DIP2C: variants seen among roughly 807,000 people sequenced by gnomAD.
The protein encoded by DIP2C is DIP2 acetate--CoA ligase C (putative).
DIP2C carries 33 observed loss-of-function variants against 192.4 expected under a neutral mutation model. The ratio of observed to expected loss-of-function variants is 0.17; its 90% confidence interval spans 0.13 to 0.23. The LOEUF (loss-of-function observed/expected upper bound fraction) is 0.23, where lower values mean the gene tolerates loss of function less well. Ranked by LOEUF, DIP2C falls within the 10% of genes least tolerant of loss-of-function variation. DIP2C has a pLI of 1.00. For synonymous variants in DIP2C, 979 were observed against 864.1 expected (o/e 1.13, Z -2.33); for missense variants, 1,537 against 2,110.1 (o/e 0.73, Z 5.32).
At chr10:568,245 C>A (rs1349492426) in intron 1 of DIP2C, among the ~76,000 whole-genome samples, 1 of 152,184 alleles carries the variant, frequency 6.6e-6, no homozygotes, top group Non-Finnish European at 1.5e-5. Flanking sequence ...CATCAATCCC[C>A]GTGCAGGGAG....
chr10:547,528 C>T (rs996615682), intron 1 of DIP2C, among the ~76,000 whole-genome samples: 1 of 152,188 alleles, frequency 6.6e-6, no homozygotes, highest in African/African-American at 2.4e-5. Flanking sequence ...GTGAGGTACC[C>T]AGCAGGGTTC....
At chr10:495,507 T>C (rs145040108) in intron 1 of DIP2C, among the ~76,000 whole-genome samples, 4 of 151,922 alleles carry the variant, frequency 2.6e-5, no homozygotes, top group African/African-American at 9.7e-5. Context: ...CTAAAAACTA[T>C]AGGTTTTGAA....
At chr10:604,554 T>C (rs1457732909) in intron 1 of DIP2C, among the ~76,000 whole-genome samples, 1 of 152,268 alleles carries the variant, frequency 6.6e-6, no homozygotes, top group Non-Finnish European at 1.5e-5. Flanking sequence ...AGCGCAAGCG[T>C]GCGGACACGC....
At position 356,407 on chromosome 10, in the gene DIP2C, G is replaced by C; in HGVS notation, c.2985+19C>G. 5 of 1,609,674 alleles carry C rather than the reference G, an allele frequency of 3.1e-6. No individual in the cohort carries two copies. Among genetic ancestry groups the C allele is most frequent in the Non-Finnish European group, 4.2e-6 (5 of 1,179,942 alleles). On this transcript the variant is annotated intron_variant, in intron 24 of 36. Coordinates refer to ENST00000280886, the MANE Select transcript of DIP2C (RefSeq NM_014974.3). ...CCCCTTGAGGCCAGTAGCCAGGGAA[G>C]GCCAGCTCCGCGCCTCACCCGACAG...
chr10:332,582 C>T (rs1048686623), intron 29 of DIP2C, among the ~76,000 whole-genome samples: 1 of 152,156 alleles, frequency 6.6e-6, no homozygotes, highest in African/African-American at 2.4e-5. Context: ...ACAAGACAAA[C>T]CTACTTAAGA....
chr10:411,762 G>A (rs183645043), intron 8 of DIP2C, among the ~76,000 whole-genome samples: 75 of 152,162 alleles, frequency 4.9e-4, no homozygotes, highest in Non-Finnish European at 9.1e-4. Context: ...ATTCTCATTC[G>A]ACGAGCTTGT....
chr10:478,457 C>G (rs1462133295), intron 2 of DIP2C, among the ~76,000 whole-genome samples: 1 of 149,988 alleles, frequency 6.7e-6, no homozygotes, highest in African/African-American at 2.5e-5. Context: ...TTTTCTCACT[C>G]ATCTCATGTC....
intron 24 of DIP2C, among the ~76,000 whole-genome samples, chr10:351,117 G>A (rs1372935462): frequency 1.3e-5 from 2 of 152,188 alleles, no homozygotes; most frequent in Admixed American, 6.5e-5. Flanking sequence ...GCGATTCAGA[G>A]TGAAGGCGCA....
At chr10:292,999 A>C (rs1050343579) in intron 32 of DIP2C, among the ~76,000 whole-genome samples, 10 of 152,218 alleles carry the variant, frequency 6.6e-5, no homozygotes, top group African/African-American at 2.4e-4. Flanking sequence ...AACAAATAGC[A>C]TTCTCTACCC....
intron 1 of DIP2C, among the ~76,000 whole-genome samples, chr10:549,003 C>T (rs918176526): frequency 6.7e-6 from 1 of 149,710 alleles, no homozygotes; most frequent in South Asian, 2.1e-4. Context: ...TAGTCCAATC[C>T]CCCACCCTAA....
At chr10:561,634 A>C (rs1033713746) in intron 1 of DIP2C, among the ~76,000 whole-genome samples, 7 of 152,108 alleles carry the variant, frequency 4.6e-5, no homozygotes, top group Non-Finnish European at 1.0e-4. Context: ...CTTTCCCGCC[A>C]GTCACAGCTT....
At chr10:592,212 C>T (rs920767687) in intron 1 of DIP2C, among the ~76,000 whole-genome samples, 1 of 152,278 alleles carries the variant, frequency 6.6e-6, no homozygotes, top group East Asian at 1.9e-4. Flanking sequence ...AGGACCCATT[C>T]AGATGACTTC....
intron 23 of DIP2C, among the ~76,000 whole-genome samples, chr10:356,767 G>T (rs1286285971): frequency 2.0e-5 from 3 of 152,350 alleles, no homozygotes; most frequent in Non-Finnish European, 4.4e-5. Flanking sequence ...ACAAAGCAAA[G>T]GGCTGGTGCT....
Position 285,769 on chromosome 10 carries a change from G to C in DIP2C, c.4119+504C>G, listed in dbSNP as rs539820012. On this transcript the variant is annotated intron_variant, in intron 34 of 36. Coordinates refer to ENST00000280886, the MANE Select transcript of DIP2C (RefSeq NM_014974.3). The stretch of plus-strand genomic sequence containing the variant: ...GGGGCACAGTGGCAGGGAGTTAAGA[G>C]CCAGCCAGGGCGGGCTCATTCTGAA... Among the ~76,000 whole-genome samples the C allele has an allele frequency of 1.2e-4, 18 of 152,368 alleles. No homozygotes were observed. The East Asian group carries it at 2.5e-3, about 21-fold the overall frequency.
intron 1 of DIP2C, among the ~76,000 whole-genome samples, chr10:568,765 CAAAAAAAAAAAAAAAAAAAAAA>C (rs1206501677): frequency 5.3e-5 from 2 of 37,884 alleles, no homozygotes; most frequent in Admixed American, 8.6e-4. Context: ...AACTCCGTCT[CAAAAAAAAAAAAAAAAAAAAAA>C]AAAAAAAAAA....
intron 1 of DIP2C, among the ~76,000 whole-genome samples, chr10:594,629 G>A (rs947964480): frequency 2.0e-5 from 3 of 151,622 alleles, no homozygotes; most frequent in African/African-American, 7.3e-5. Flanking sequence ...AAGGGAACTG[G>A]AGGGCACGTG....
At chr10:362,353 T>A in intron 22 of DIP2C, 137 bp downstream of exon 22, 8 of 1,020,454 alleles carry the variant, frequency 7.8e-6, no homozygotes, top group Non-Finnish European at 1.1e-5. Flanking sequence ...CCCATTCTAT[T>A]TTCTTGGGGT....
chr10:391,248 C>G (rs1007376680), intron 10 of DIP2C, among the ~76,000 whole-genome samples: 1 of 152,222 alleles, frequency 6.6e-6, no homozygotes, highest in African/African-American at 2.4e-5. Flanking sequence ...TGAAAAAACA[C>G]TTCTACTAAC....
At chr10:513,209 T>C (rs1399785464) in intron 1 of DIP2C, among the ~76,000 whole-genome samples, 1 of 152,202 alleles carries the variant, frequency 6.6e-6, no homozygotes, top group Admixed American at 6.5e-5. Flanking sequence ...ACATGTTTAG[T>C]CGTTCATGTT....
Sources: allele counts gnomAD v4.1 joint callset (sites outside exome capture counted in the v4.1 genomes callset), GRCh38; gene constraint gnomAD v4.1.1; transcripts MANE v1.5; gene names NCBI Gene and HGNC (gene_info 2026-07-23, HGNC 2026-07-21).